Variants in PLK2 observed in about 807,000 individuals in gnomAD.
PLK2 encodes the protein serine/threonine-protein kinase PLK2.
In PLK2, 25 loss-of-function variants were observed where a neutral mutation model predicts 78.1. The observed-to-expected ratio is 0.32, with a 90% CI of 0.23 to 0.45. The LOEUF (loss-of-function observed/expected upper bound fraction) is 0.45. Ranked by LOEUF, PLK2 falls within the 20% of genes least tolerant of loss-of-function variation. PLK2 has a pLI of 1.00. For synonymous variants in PLK2, 332 were observed against 298.2 expected (o/e 1.11, Z -1.17); for missense variants, 566 against 840.2 (o/e 0.67, Z 4.04).
Position 58,458,786 on chromosome 5 carries a change from AACTGC to A in PLK2, c.429_433del (p.Gln144LeufsTer19). 6.2e-7 allele frequency: 1 copy of A among 1,606,624 alleles called. No homozygotes were observed. The highest frequency in any genetic ancestry group is 8.5e-7 in the Non-Finnish European group (1 of 1,173,236). On this transcript the variant is annotated frameshift_variant, in exon 3 of 14. Transcript: ENST00000274289. LOFTEE classifies it high-confidence loss of function. The stretch of plus-strand genomic sequence containing the variant: ...TTCTTTGTCCTCGAAGTAGTGGTAA[AACTGC>A]ACTACATGCTTATGATGAAGAATTC...
At chr5:58,458,229 C>T in intron 4 of PLK2, 58 bp from the exon 5 acceptor site, 2 of 1,342,730 alleles carry the variant, frequency 1.5e-6, no homozygotes, top group South Asian at 1.2e-5. Context: ...TAACCAAGTA[C>T]ACACACATCC....
At chr5:58,458,362 C>T in intron 4 of PLK2, 37 bp downstream of exon 4, 2 of 1,606,896 alleles carry the variant, frequency 1.2e-6, no homozygotes, top group Non-Finnish European at 1.7e-6. Context: ...AAAAAGAACT[C>T]TAACACAAAA....
In PLK2 at chr5:58,458,830, T is replaced by G; in HGVS notation, c.390A>C (p.Glu130Asp). 6.3e-7 allele frequency: 1 copy of G among 1,593,688 alleles called. No homozygotes were observed. Among genetic ancestry groups the G allele is most frequent in the Non-Finnish European group, 8.6e-7 (1 of 1,161,730 alleles). Residue 130 changes from glutamate (E) to aspartate (D), a missense_variant, in exon 3 of 14, where the codon GAA becomes GAC. Around this residue, in one of 5 missense-constraint regions of PLK2, gnomAD observed 179 missense variants for 342.3 expected, o/e 0.52. Coordinates refer to ENST00000274289, the MANE Select transcript of PLK2 (RefSeq NM_006622.4). ...KPHQREKIDKEIELHRILHHK... is the reference protein window; with the variant it reads ...KPHQREKIDKDIELHRILHHK... ...GATGAAGAATTCTGTGAAGCTCTAT[T>G]TCTTTGTCAATCTAAATGAAAAAGC...
intron 9 of PLK2, 71 bp downstream of exon 9, chr5:58,456,421 C>A: frequency 1.1e-6 from 1 of 947,486 alleles, no homozygotes; most frequent in Non-Finnish European, 1.7e-6. Context: ...TAATCATAGT[C>A]CAAGTGCTAA....
At chr5:58,455,060 A>G in intron 12 of PLK2, 39 bp from the exon 13 acceptor site, 2 of 1,226,382 alleles carry the variant, frequency 1.6e-6, no homozygotes, top group East Asian at 2.3e-5. Flanking sequence ...GCCTACAAAG[A>G]TTTTGTAGCA....
chr5:58,455,313 G>C lies in PLK2; in HGVS notation c.1727C>G (p.Ser576Cys), dbSNP rs781474478. 2 of 1,614,100 alleles carry C rather than the reference G, an allele frequency of 1.2e-6. No individual in the cohort carries two copies. Among genetic ancestry groups the C allele is most frequent in the East Asian group, 4.5e-5 (2 of 44,880 alleles). The change falls in exon 12 of 14, where the codon TCT becomes TGT. Residue 576 changes from serine to cysteine, a missense_variant. Physicochemically the swap from Ser to Cys is moderately radical, Grantham distance 112 (BLOSUM62 -1). Around this residue, in one of 5 missense-constraint regions of PLK2, gnomAD observed 130 missense variants for 196.4 expected, o/e 0.66. Transcript: ENST00000274289. Reference sequence around the variant, plus strand: ...CATGAGGTTCTCCTCCATGTAATGAGAAAAGTATTTCAGCACCGTCACTTG... The same window carrying C: ...CATGAGGTTCTCCTCCATGTAATGACAAAAGTATTTCAGCACCGTCACTTG... ...ISQVTVLKYFSHYMEENLMDG... is the reference protein window; with the variant it reads ...ISQVTVLKYFCHYMEENLMDG...
At chr5:58,456,408 T>C in intron 9 of PLK2, 84 bp downstream of exon 9, 4 of 910,390 alleles carry the variant, frequency 4.4e-6, no homozygotes, top group East Asian at 2.4e-5. Flanking sequence ...ATTTGAACCA[T>C]GATAATCATA....
chr5:58,459,034 G>A lies in PLK2; in HGVS notation c.329C>T (p.Ala110Val), dbSNP rs780093424. 1 of 1,612,798 alleles carries A rather than the reference G, an allele frequency of 6.2e-7. No homozygotes were observed. The change falls in exon 2 of 14, where the codon GCA becomes GTA. Residue 110 changes from alanine to valine, a missense_variant. Ala to Val is a moderately conservative substitution (Grantham distance 64). Coordinates refer to ENST00000274289, the MANE Select transcript of PLK2 (RefSeq NM_006622.4). ...TACTCTGCTGTGAGGAATAATTTTT[G>A]CGGCGTAGACTTTGTTATTTGTCAA... ...TDLTNNKVYA[A>V]KIIPHSRVAK...
At chr5:58,456,247 T>C in intron 9 of PLK2, 92 bp from the exon 10 acceptor site, 3 of 1,260,558 alleles carry the variant, frequency 2.4e-6, no homozygotes, top group Non-Finnish European at 3.3e-6. Context: ...AGGCAATTGC[T>C]GGGAAAGCTC....
In PLK2 at chr5:58,454,792, G is replaced by C. The variant is rs748714262; in HGVS notation, c.1867-18C>G. On this transcript the variant is annotated intron_variant, in intron 13 of 13. Coordinates refer to ENST00000274289, the MANE Select transcript of PLK2 (RefSeq NM_006622.4). ...AAATTCACCTTAAAAAATAAACATA[G>C]ACATTAGATCTCTCAAAATATTCGA... 1 of 1,564,124 alleles carries C rather than the reference G, an allele frequency of 6.4e-7. No homozygotes were observed. Among genetic ancestry groups the C allele is most frequent in the East Asian group, 2.2e-5 (1 of 44,544 alleles).
intron 5 of PLK2, chr5:58,457,843 G>A (rs968923266): frequency 2.4e-5 from 14 of 590,028 alleles, no homozygotes; most frequent in Admixed American, 3.1e-5. Flanking sequence ...AGCCAGGGAC[G>A]TCGTGGCATT....
At position 58,454,516 on chromosome 5, in the gene PLK2, CT is replaced by C; in HGVS notation, c.*66del. 9.1e-7 allele frequency: 1 copy of C among 1,103,130 alleles called. No homozygotes were observed. The highest frequency in any genetic ancestry group is 1.3e-6 in the Non-Finnish European group (1 of 749,040). The allele number at this position is 1,103,130 out of a possible 1,614,324, so 68.3% of individuals were successfully genotyped here. ...CTTCTTCAACATACTCTAGATCATT[CT>C]TTTGGCTTCCCTGTAGATCTCACAG... On this transcript the variant is annotated 3_prime_UTR_variant, in exon 14 of 14. Coordinates refer to ENST00000274289, the MANE Select transcript of PLK2 (RefSeq NM_006622.4).
chr5:58,455,925 T>A, intron 10 of PLK2, 101 bp downstream of exon 10: 2 of 1,472,714 alleles, frequency 1.4e-6, no homozygotes, highest in Non-Finnish European at 1.8e-6. Flanking sequence ...TTACTACTTC[T>A]ATGTTAAATT....
At chr5:58,455,493 T>G in intron 11 of PLK2, 46 bp downstream of exon 11, 1 of 1,612,786 alleles carries the variant, frequency 6.2e-7, no homozygotes, top group South Asian at 1.1e-5. Flanking sequence ...ATTTCTTTAG[T>G]GCAAGACTAG....
At position 58,457,480 on chromosome 5, in the gene PLK2, T is replaced by G. The variant is rs770784687; in HGVS notation, c.809+8A>C. ...TTGCTTTTTAATTATTCTGCTGCAT[T>G]TACTTACATTACACAGCCCAGGGCC... On this transcript the variant is annotated splice_region_variant and intron_variant, in intron 6 of 13. Coordinates refer to ENST00000274289, the MANE Select transcript of PLK2 (RefSeq NM_006622.4). The G allele has an allele frequency of 1.9e-6, 3 of 1,601,304 alleles. No individual in the cohort carries two copies. The highest frequency in any genetic ancestry group is 2.6e-6 in the Non-Finnish European group (3 of 1,168,274).
chr5:58,459,484 G>A (rs1743697442), intron 1 of PLK2: 2 of 591,244 alleles, frequency 3.4e-6, no homozygotes, highest in Admixed American at 3.0e-5. Flanking sequence ...GAGACACACA[G>A]TTCTGAGGCT....
At chr5:58,457,450 C>T (rs368276962) in intron 6 of PLK2, 38 bp downstream of exon 6, 20 of 1,583,724 alleles carry the variant, frequency 1.3e-5, no homozygotes, top group African/African-American at 4.0e-5. Flanking sequence ...AATCTAAATC[C>T]GAATTTGCTT....
chr5:58,456,783 A>T (rs145612434), intron 8 of PLK2, 162 bp downstream of exon 8: 1 of 629,686 alleles, frequency 1.6e-6, no homozygotes, highest in Non-Finnish European at 2.7e-6. Flanking sequence ...AAAAGCTATC[A>T]ATCACAATTC....
chr5:58,455,583 G>C lies in PLK2; in HGVS notation c.1581C>G (p.Val527=), dbSNP rs1743576318. 2.5e-6 allele frequency: 4 copies of C among 1,614,000 alleles called. No homozygotes were observed. Among genetic ancestry groups the C allele is most frequent in the Non-Finnish European group, 3.4e-6 (4 of 1,179,938 alleles). The change falls in exon 11 of 14, where the codon GTC becomes GTG. Residue 527 remains valine, a synonymous_variant. Coordinates refer to ENST00000274289, the MANE Select transcript of PLK2 (RefSeq NM_006622.4). ...TCATGTGAGCACCATTGTTGAAAAG[G>C]ACACCGACGGTGTGGTCTGAGAGCT... The part of the protein sequence containing the change: ...GYQLSDHTVG[V]LFNNGAHMSL...
Sources: allele counts gnomAD v4.1 joint callset, GRCh38; gene constraint gnomAD v4.1.1; regional missense constraint gnomAD v4.1.1; transcripts MANE v1.5; gene names NCBI Gene and HGNC (gene_info 2026-07-23, HGNC 2026-07-21).